The following CNTNAP2 variants were observed in gnomAD, a reference collection of about 807,000 sequenced individuals.
CNTNAP2 encodes the protein contactin-associated protein-like 2.
A neutral mutation model predicts 155.2 loss-of-function variants in CNTNAP2; 98 were observed. That is an observed-to-expected ratio of 0.63 (90% CI 0.54 to 0.75). The LOEUF (loss-of-function observed/expected upper bound fraction) is 0.75. CNTNAP2 is among the 30% of genes least tolerant of loss of function. CNTNAP2 has a pLI of 0.00. For missense variants in CNTNAP2, 1,727 were observed against 1,688.1 expected (o/e 1.02, Z -0.40); for synonymous variants, 651 against 631.2 (o/e 1.03, Z -0.47).
At chr7:146,668,948 T>A (rs1016166259) in intron 1 of CNTNAP2, among the ~76,000 whole-genome samples, 2 of 152,136 alleles carry the variant, frequency 1.3e-5, no homozygotes, top group Non-Finnish European at 2.9e-5. Flanking sequence ...TCTTTTCAAA[T>A]TCATTTTTTG....
At chr7:148,363,900 T>G (rs546712419) in intron 21 of CNTNAP2, among the ~76,000 whole-genome samples, 424 of 151,304 alleles carry the variant, frequency 2.8e-3, no homozygotes, top group African/African-American at 9.2e-3. Context: ...CCCCACACTC[T>G]GAGCAGCCAG....
chr7:148,177,500 G>C (rs77342542), intron 18 of CNTNAP2, among the ~76,000 whole-genome samples: 4,126 of 152,236 alleles, frequency 0.027, 116 homozygotes, highest in African/African-American at 0.066. Flanking sequence ...GGCTTCCTAG[G>C]AAAATAATAC....
intron 12 of CNTNAP2, among the ~76,000 whole-genome samples, chr7:147,603,455 T>C (rs927008551): frequency 1.3e-5 from 2 of 152,056 alleles, no homozygotes; most frequent in Non-Finnish European, 2.9e-5. Flanking sequence ...AAATCATGAG[T>C]GAACTCCCAT....
At chr7:148,113,197 C>G (rs1158008521) in intron 15 of CNTNAP2, among the ~76,000 whole-genome samples, 5 of 152,124 alleles carry the variant, frequency 3.3e-5, no homozygotes, top group Non-Finnish European at 7.3e-5. Flanking sequence ...GCAGGCTGTA[C>G]AGGAAGCATG....
intron 1 of CNTNAP2, among the ~76,000 whole-genome samples, chr7:146,135,244 T>C (rs564630473): frequency 3.2e-4 from 48 of 152,218 alleles, no homozygotes; most frequent in Non-Finnish European, 3.4e-4. Context: ...AATTATGATA[T>C]CTCATTTTTA....
At chr7:146,702,592 A>AT (rs957000629) in intron 1 of CNTNAP2, among the ~76,000 whole-genome samples, 37 of 152,174 alleles carry the variant, frequency 2.4e-4, no homozygotes, top group African/African-American at 7.5e-4. Context: ...ATATAACCTG[A>AT]TTTTTTAAAT....
chr7:148,395,846 T>C (rs772773010), intron 22 of CNTNAP2, among the ~76,000 whole-genome samples: 5 of 152,176 alleles, frequency 3.3e-5, no homozygotes, highest in Non-Finnish European at 7.3e-5. Context: ...GGCACAAACA[T>C]ACAGCTTTGG....
At chr7:147,011,010 G>A (rs1240584696) in intron 3 of CNTNAP2, among the ~76,000 whole-genome samples, 3 of 152,034 alleles carry the variant, frequency 2.0e-5, no homozygotes, top group Admixed American at 6.6e-5. Flanking sequence ...ATCTGAGGAA[G>A]CTTCACCACC....
At chr7:148,300,522 AAT>A (rs1491143391) in intron 21 of CNTNAP2, among the ~76,000 whole-genome samples, 9 of 140,486 alleles carry the variant, frequency 6.4e-5, no homozygotes, top group Admixed American at 1.4e-4. Flanking sequence ...TAATCATAAC[AAT>A]TTTTTTTTTT....
At chr7:146,567,095 G>C (rs976671471) in intron 1 of CNTNAP2, among the ~76,000 whole-genome samples, 3 of 152,268 alleles carry the variant, frequency 2.0e-5, no homozygotes, top group African/African-American at 7.2e-5. Flanking sequence ...TAATAAAATT[G>C]CATGACAAAA....
rs1245970883 is a variant in CNTNAP2, at chr7:148,413,429, T to A, written c.3797-1988T>A. ...ATATATATATATATATATATATATA[T>A]ATATATATATATATATATTGCTCCA... On this transcript the variant is annotated intron_variant, in intron 23 of 23. Coordinates refer to ENST00000361727, the MANE Select transcript of CNTNAP2 (RefSeq NM_014141.6). 3.3e-3 allele frequency among the ~76,000 whole-genome samples: 335 copies of A among 102,818 alleles called. 59 individuals carry two copies. Among genetic ancestry groups the A allele is most frequent in the Non-Finnish European group, 3.7e-3 (193 of 51,568 alleles). The allele number at this position is 102,818 out of a possible 152,430, so 67.5% of individuals were successfully genotyped here.
chr7:148,352,628 TC>T (rs1282006297), intron 21 of CNTNAP2, among the ~76,000 whole-genome samples: 1 of 152,160 alleles, frequency 6.6e-6, no homozygotes, highest in Non-Finnish European at 1.5e-5. Context: ...AGGCTCAGTC[TC>T]CCAGGAGGTT....
chr7:146,513,913 G>T (rs1335751484), intron 1 of CNTNAP2, among the ~76,000 whole-genome samples: 1 of 151,958 alleles, frequency 6.6e-6, no homozygotes, highest in Non-Finnish European at 1.5e-5. Context: ...TCTGGGAAAA[G>T]CTCCTCATTC....
At chr7:146,444,659 CTCTT>C (rs1277808301) in intron 1 of CNTNAP2, among the ~76,000 whole-genome samples, 2 of 144,736 alleles carry the variant, frequency 1.4e-5, no homozygotes, top group South Asian at 2.1e-4. Flanking sequence ...GATCCTCTCT[CTCTT>C]TTTTTTTTTT....
chr7:147,089,912 C>T (rs1800363790), intron 4 of CNTNAP2, among the ~76,000 whole-genome samples: 2 of 152,142 alleles, frequency 1.3e-5, no homozygotes, highest in Admixed American at 1.3e-4. Context: ...CAGAAGCCTC[C>T]AAAATACTTG....
At chr7:146,198,429 T>A (rs1798808804) in intron 1 of CNTNAP2, among the ~76,000 whole-genome samples, 1 of 152,128 alleles carries the variant, frequency 6.6e-6, no homozygotes. Flanking sequence ...AAAGCCCAAG[T>A]CCCAAAATAA....
intron 15 of CNTNAP2, among the ~76,000 whole-genome samples, chr7:147,985,134 A>ATAAG (rs1801595137): frequency 6.7e-6 from 1 of 149,458 alleles, no homozygotes; most frequent in East Asian, 2.0e-4. Flanking sequence ...AAATAAATAA[A>ATAAG]TAAATAAATA....
At chr7:146,311,690 A>AAAAGAAAG (rs147613877) in intron 1 of CNTNAP2, 11 of 148,568 alleles carry the variant, frequency 7.4e-5, no homozygotes, top group African/African-American at 2.7e-4. Context: ...AGAAAAGAAG[A>AAAAGAAAG]AAAGAAAGAA....
intron 9 of CNTNAP2, among the ~76,000 whole-genome samples, chr7:147,323,886 T>G (rs1795400226): frequency 9.0e-6 from 1 of 111,674 alleles, no homozygotes; most frequent in Non-Finnish European, 1.8e-5. Context: ...TCAATAAATT[T>G]CTTGCCTTTA....
Sources: gnomAD v4.1 joint callset for allele counts (sites outside exome capture counted in the v4.1 genomes callset) on GRCh38, gnomAD v4.1.1 for gene constraint, MANE v1.5 for transcripts, NCBI Gene and HGNC (gene_info 2026-07-23, HGNC 2026-07-21) for gene names.